SNRNP27: variants seen among roughly 807,000 people sequenced by gnomAD.
SNRNP27 encodes U4/U6.U5 small nuclear ribonucleoprotein 27 kDa protein.
In SNRNP27, 22 loss-of-function variants were observed where a neutral mutation model predicts 25.1. The observed-to-expected ratio is 0.88, with a 90% CI of 0.63 to 1.25. SNRNP27 has a LOEUF of 1.25. Ranked by LOEUF, SNRNP27 falls within the 50% of genes most tolerant of loss-of-function variation. The pLI is 0.00. For missense variants in SNRNP27, 150 were observed against 202.3 expected, an observed-to-expected ratio of 0.74 and a Z score of 1.57; for synonymous variants, 66 against 64.9, an observed-to-expected ratio of 1.02 and a Z score of -0.08.
intron 4 of SNRNP27, among the ~76,000 whole-genome samples, chr2:69,902,938 C>CTTTTTTTTTTTT (rs761833954): frequency 6.5e-5 from 6 of 92,412 alleles, no homozygotes; most frequent in Non-Finnish European, 9.7e-5. Flanking sequence ...TCTTCTTCTT[C>CTTTTTTTTTTTT]TTTTTTTTTT....
intron 2 of SNRNP27, 148 bp from the exon 3 acceptor site, chr2:69,896,288 C>T (rs946203369): frequency 2.3e-5 from 16 of 682,632 alleles, no homozygotes; most frequent in Admixed American, 8.0e-5. Flanking sequence ...TTTTTGTTAA[C>T]AATCAAGGCC....
At position 69,896,526 on chromosome 2, in the gene SNRNP27, G is replaced by C. The variant is rs541847668; in HGVS notation, c.246G>C (p.Lys82Asn). 1.7e-4 allele frequency: 266 copies of C among 1,607,056 alleles called. No individual in the cohort carries two copies. The highest frequency in any genetic ancestry group is 2.1e-4 in the Non-Finnish European group (252 of 1,175,982). The change falls in exon 3 of 6, where the codon AAG (lysine) becomes AAC (asparagine). Residue 82 changes from lysine (K) to asparagine (N), a missense_variant. Lys to Asn is a moderately conservative substitution (Grantham distance 94, BLOSUM62 0). Around this residue, in one of 2 missense-constraint regions of SNRNP27, gnomAD observed 142 missense variants for 168.6 expected, o/e 0.84. Transcript: ENST00000244227. ...DEEKKETKET[K>N]SKERQITEED... ...AAAAGAAAGAAACAAAAGAAACAAA[G>C]AGCAAAGAACGGCAGATTACTGGTA...
intron 1 of SNRNP27, 25 bp downstream of exon 1, chr2:69,894,043 A>C (rs1202956115): frequency 6.2e-7 from 1 of 1,605,762 alleles, no homozygotes. Flanking sequence ...AATTCGGAGG[A>C]TATGGGGCTC....
chr2:69,894,089 T>C lies in SNRNP27; in HGVS notation c.34+71T>C, dbSNP rs550833231. The C allele has an allele frequency of 4.6e-5, 66 of 1,436,692 alleles. 1 individual carries two copies. The East Asian group carries it at 1.4e-3, about 31-fold the overall frequency. The allele number at this position is 1,436,692 out of a possible 1,614,324, so 89.0% of individuals were successfully genotyped here. On this transcript the variant is annotated intron_variant, in intron 1 of 5. Coordinates refer to ENST00000244227, the MANE Select transcript of SNRNP27 (RefSeq NM_006857.3). ...CTGTCCCTTTTGTTTTATTTTGTTT[T>C]GTTTTTGGTAGCCGCGTAGCAGAGA...
At chr2:69,899,324 T>G (rs980185972) in intron 4 of SNRNP27, among the ~76,000 whole-genome samples, 1 of 152,238 alleles carries the variant, frequency 6.6e-6, no homozygotes, top group East Asian at 1.9e-4. Context: ...TGTCTTGTGA[T>G]GTTTCATCAT....
intron 1 of SNRNP27, among the ~76,000 whole-genome samples, chr2:69,894,759 G>A (rs1425253850): frequency 1.1e-4 from 16 of 152,048 alleles, no homozygotes. Flanking sequence ...TCAGCTCACT[G>A]CAACCTCCAC....
intron 4 of SNRNP27, among the ~76,000 whole-genome samples, chr2:69,899,919 G>T (rs1676666257): frequency 6.6e-6 from 1 of 152,024 alleles, no homozygotes; most frequent in South Asian, 2.1e-4. Flanking sequence ...CAGAGATAGG[G>T]TCTTGCTGTG....
rs761833954 is a variant in SNRNP27, at chr2:69,902,938, CT to C, written c.349-221del. Among the ~76,000 whole-genome samples the C allele has an allele frequency of 9.8e-3, 909 of 92,346 alleles. 5 individuals are homozygous for C. Among genetic ancestry groups the C allele is most frequent in the African/African-American group, 0.028 (590 of 20,702 alleles). 60.6% of individuals were successfully genotyped at this position (92,346 alleles called of 152,430 possible). A position where few individuals can be genotyped will look rare whatever the true frequency, so the allele number is the denominator to read the frequency against. On this transcript the variant is annotated intron_variant, in intron 4 of 5. Transcript: ENST00000244227. ...TCCTTTCTCCTCCTTTCTTCTTCTTCTTTTTTTTTTTTTTTTTTTTTTGAGA... is the reference window on the plus strand; with the variant it reads ...TCCTTTCTCCTCCTTTCTTCTTCTTCTTTTTTTTTTTTTTTTTTTTTGAGA...
chr2:69,895,055 G>C (rs1442219166), intron 1 of SNRNP27, 39 bp from the exon 2 acceptor site: 2 of 1,609,236 alleles, frequency 1.2e-6, no homozygotes, highest in East Asian at 4.5e-5. Context: ...GATATTTGAG[G>C]TAATTATCAG....
chr2:69,903,348 A>T (rs531217957), intron 5 of SNRNP27, 103 bp downstream of exon 5: 1 of 847,868 alleles, frequency 1.2e-6, no homozygotes, highest in African/African-American at 1.7e-5. Flanking sequence ...GCAGTTTTCC[A>T]TACTGTTCCT....
At position 69,903,177 on chromosome 2, in the gene SNRNP27, T is replaced by G. The variant is rs1230225741; in HGVS notation, c.349-4T>G. ...TTGTCTGTTTGTTTATTGTTTTTCT[T>G]CAGGGTAAGAAGGTGGATGGCTCTG... On this transcript the variant is annotated splice_region_variant and splice_polypyrimidine_tract_variant and intron_variant, in intron 4 of 5. Coordinates refer to ENST00000244227, the MANE Select transcript of SNRNP27 (RefSeq NM_006857.3). 1 of 1,611,194 alleles carries G rather than the reference T, an allele frequency of 6.2e-7. No individual in the cohort carries two copies. Among genetic ancestry groups the G allele is most frequent in the East Asian group, 2.2e-5 (1 of 44,864 alleles).
intron 4 of SNRNP27, among the ~76,000 whole-genome samples, chr2:69,902,926 T>TTTC (rs1319990804): frequency 1.3e-4 from 18 of 138,208 alleles, no homozygotes; most frequent in Non-Finnish European, 1.7e-4. Context: ...TTTCTCCTCC[T>TTTC]TTCTTCTTCT....
chr2:69,904,570 C>G lies in SNRNP27; in HGVS notation c.*262C>G, dbSNP rs1232206168. On this transcript the variant is annotated 3_prime_UTR_variant, in exon 6 of 6. Transcript: ENST00000244227. Reference sequence around the variant, plus strand: ...TTATTTGTCCTTATTCCTGTGGAAGCAGTATATGTTTTCTTCCTGAATGCT... The same window carrying G: ...TTATTTGTCCTTATTCCTGTGGAAGGAGTATATGTTTTCTTCCTGAATGCT... The G allele has an allele frequency of 1.7e-6, 1 of 573,354 alleles. No homozygotes were observed. The highest frequency in any genetic ancestry group is 3.0e-6 in the Non-Finnish European group (1 of 330,390). The allele number at this position is 573,354 out of a possible 1,614,324, so 35.5% of individuals were successfully genotyped here. A position where few individuals can be genotyped will look rare whatever the true frequency, so the allele number is the denominator to read the frequency against.
At chr2:69,904,210 T>G in intron 5 of SNRNP27, 44 bp from the exon 6 acceptor site, 1 of 1,381,548 alleles carries the variant, frequency 7.2e-7, no homozygotes. Context: ...ATAAGAGGAG[T>G]ATAGGATTAA....
chr2:69,902,394 T>G (rs1440287241), intron 4 of SNRNP27, among the ~76,000 whole-genome samples: 1 of 152,066 alleles, frequency 6.6e-6, no homozygotes, highest in South Asian at 2.1e-4. Flanking sequence ...CTGCTGCTCC[T>G]GCTTCTTCTG....
rs374836941 is a variant in SNRNP27 at position 69,895,116 on chromosome 2, A to G, written c.57A>G (p.Thr19=). 2.3e-4 allele frequency: 378 copies of G among 1,613,412 alleles called. No homozygotes were observed. Among genetic ancestry groups the G allele is most frequent in the Non-Finnish European group, 3.1e-4 (371 of 1,179,886 alleles). Residue 19 remains threonine (T), a synonymous_variant, in exon 2 of 6, where the codon ACA becomes ACG. Transcript: ENST00000244227. The part of the protein sequence containing the change: ...PRRERRRSRS[T]SRERERRRRE... ...TAGAACGTAGGCGTTCCCGGTCCAC[A>G]TCCCGGGAGAGAGAACGCAGGCGCC...
At position 69,904,659 on chromosome 2, in the gene SNRNP27, T is replaced by A. The variant is rs1048139; in HGVS notation, c.*351T>A. The A allele has an allele frequency of 0.25, 96,699 of 387,648 alleles. 12,546 individuals carry two copies. Among genetic ancestry groups the A allele is most frequent in the South Asian group, 0.34 (6,520 of 18,940 alleles). 24.0% of individuals were successfully genotyped at this position (387,648 alleles called of 1,614,324 possible). On this transcript the variant is annotated 3_prime_UTR_variant, in exon 6 of 6. Transcript: ENST00000244227. The stretch of plus-strand genomic sequence containing the variant: ...GTAAGTTTATCCAATAAAGCAGTAT[T>A]TCTACCCTTTTAGATTTGATAAATA...
intron 3 of SNRNP27, among the ~76,000 whole-genome samples, 194 bp from the exon 4 acceptor site, chr2:69,897,183 C>CT (rs940703139): frequency 1.3e-5 from 2 of 150,946 alleles, no homozygotes; most frequent in Non-Finnish European, 3.0e-5. Context: ...AAGGAGAGGA[C>CT]TTTTTTTTTG....
Position 69,904,383 on chromosome 2 carries a change from C to A in SNRNP27, c.*75C>A. On this transcript the variant is annotated 3_prime_UTR_variant, in exon 6 of 6. Coordinates refer to ENST00000244227, the MANE Select transcript of SNRNP27 (RefSeq NM_006857.3). ...AGTGGATTTTGTATTTTGTATTTAA[C>A]TTGCATTCAAAAAACAGGATCTCAG... 1 of 1,137,326 alleles carries A rather than the reference C, an allele frequency of 8.8e-7. No homozygotes were observed. The highest frequency in any genetic ancestry group is 2.4e-5 in the East Asian group (1 of 42,486). 70.5% of individuals were successfully genotyped at this position (1,137,326 alleles called of 1,614,324 possible).
Sources: allele counts gnomAD v4.1 joint callset (sites outside exome capture counted in the v4.1 genomes callset), GRCh38; gene constraint gnomAD v4.1.1; regional missense constraint gnomAD v4.1.1; transcripts MANE v1.5; gene names NCBI Gene and HGNC (gene_info 2026-07-23, HGNC 2026-07-21).